WNT3A: variants seen among roughly 807,000 people sequenced by gnomAD.
The protein encoded by WNT3A is protein Wnt-3a.
Under a neutral mutation model 37.0 loss-of-function variants are expected in WNT3A, and 17 were observed. The observed-to-expected ratio is 0.46, with a 90% CI of 0.31 to 0.69. The LOEUF (loss-of-function observed/expected upper bound fraction) is 0.69. Among genes scored for constraint, WNT3A ranks in the 30% least tolerant of loss-of-function variants. WNT3A has a pLI of 0.05. For synonymous variants in WNT3A, 187 were observed against 211.0 expected, an observed-to-expected ratio of 0.89 and a Z score of 0.99; for missense variants, 411 against 510.2, an observed-to-expected ratio of 0.81 and a Z score of 1.87.
At chr1:228,041,043 A>ATCTATCTG (rs2031274138) in intron 2 of WNT3A, among the ~76,000 whole-genome samples, 2 of 137,784 alleles carry the variant, frequency 1.5e-5, no homozygotes, top group East Asian at 2.1e-4. Flanking sequence ...CTATCTATCT[A>ATCTATCTG]TCTATCATCT....
rs974318419 is a variant in WNT3A at position 228,007,066 on chromosome 1, G to GC, written c.-55dup. The GC allele has an allele frequency of 2.1e-3, 2,765 of 1,295,362 alleles. No individual in the cohort carries two copies. The highest frequency in any genetic ancestry group is 5.0e-3 in the East Asian group (145 of 28,930). The allele number at this position is 1,295,362 out of a possible 1,614,324, so 80.2% of individuals were successfully genotyped here. A position where few individuals can be genotyped will look rare whatever the true frequency, so the allele number is the denominator to read the frequency against. On this transcript the variant is annotated 5_prime_UTR_variant, in exon 1 of 4. Transcript: ENST00000284523. The surrounding 1 kb of genome is among the most constrained non-coding windows in gnomAD (Gnocchi z 6.0). ...CCGCCGCGCCAGCTCCCAGGGCCCG[G>GC]CCCCCCCCGGCGCTCACGCTCTCGG...
chr1:228,051,045 A>T, intron 3 of WNT3A, 124 bp downstream of exon 3: 1 of 1,253,544 alleles, frequency 8.0e-7, no homozygotes, highest in Admixed American at 3.0e-5. Flanking sequence ...GGTCTTCTCG[A>T]CCCCTGCCTG....
rs754980378 is a variant in WNT3A at position 228,022,925 on chromosome 1, G to T, written c.313+17G>T. On this transcript the variant is annotated intron_variant, in intron 2 of 3. Transcript: ENST00000284523. ...TGGACAAAGGTATGGGGGTGGTCTG[G>T]GGGAGGGCAGATGAGTCTGGAGTGG... 3 of 1,589,104 alleles carry T rather than the reference G, an allele frequency of 1.9e-6. No individual in the cohort carries two copies. The highest frequency in any genetic ancestry group is 8.6e-7 in the Non-Finnish European group (1 of 1,163,924).
chr1:228,030,344 C>A (rs182833094), intron 2 of WNT3A, among the ~76,000 whole-genome samples: 4 of 150,192 alleles, frequency 2.7e-5, no homozygotes, highest in African/African-American at 9.8e-5. Flanking sequence ...TTTAGTGAGC[C>A]GAGATCGCTT....
chr1:228,031,247 G>A lies in WNT3A; in HGVS notation c.313+8339G>A, dbSNP rs1351026058. 6.6e-6 allele frequency among the ~76,000 whole-genome samples: 1 copy of A among 152,240 alleles called. No homozygotes were observed. Among genetic ancestry groups the A allele is most frequent in the Non-Finnish European group, 1.5e-5 (1 of 68,036 alleles). On this transcript the variant is annotated intron_variant, in intron 2 of 3. Coordinates refer to ENST00000284523, the MANE Select transcript of WNT3A (RefSeq NM_033131.4). The surrounding 1 kb of genome is among the most constrained non-coding windows in gnomAD (Gnocchi z 4.8). ...GAAGGACAAGTCAGGGTCCCTGTAG[G>A]AGAAGAAACTGGAGCTTGGGGAGCT...
In WNT3A at chr1:228,037,290, C is replaced by G. The variant is rs2031167200; in HGVS notation, c.314-13366C>G. ...AACCCCAGGGTATCCCCACTCAAAGCACACGGCCAGATTCCTGGTTGGTGC... is the reference window on the plus strand; with the variant it reads ...AACCCCAGGGTATCCCCACTCAAAGGACACGGCCAGATTCCTGGTTGGTGC... On this transcript the variant is annotated intron_variant, in intron 2 of 3. Transcript: ENST00000284523. The surrounding 1 kb of genome is among the most constrained non-coding windows in gnomAD (Gnocchi z 4.1). 6.6e-6 allele frequency among the ~76,000 whole-genome samples: 1 copy of G among 152,146 alleles called. No homozygotes were observed. The highest frequency in any genetic ancestry group is 2.4e-5 in the African/African-American group (1 of 41,426).
rs2031208664 is a variant in WNT3A, at chr1:228,038,929, G to A, written c.314-11727G>A. Among the ~76,000 whole-genome samples the A allele has an allele frequency of 6.6e-6, 1 of 152,134 alleles. No individual in the cohort carries two copies. The highest frequency in any genetic ancestry group is 6.5e-5 in the Admixed American group (1 of 15,278). ...AGTAGGGTGCACTTGGGGGACAGAG[G>A]GCATTTTTTTGTCACAGTGGAGGTG... On this transcript the variant is annotated intron_variant, in intron 2 of 3. Transcript: ENST00000284523. The surrounding 1 kb of genome is among the most constrained non-coding windows in gnomAD (Gnocchi z 5.7).
chr1:228,049,770 G>A (rs1279589180), intron 2 of WNT3A, among the ~76,000 whole-genome samples: 1 of 152,108 alleles, frequency 6.6e-6, no homozygotes, highest in Non-Finnish European at 1.5e-5. Flanking sequence ...CATCTTTCCA[G>A]GTGCATGCTG....
rs1158109125 is a variant in WNT3A at position 228,007,495 on chromosome 1, G to A, written c.71+296G>A. On this transcript the variant is annotated intron_variant, in intron 1 of 3. Transcript: ENST00000284523. This position sits in a 1 kb window ranked among gnomAD's most constrained non-coding sequence, Gnocchi z 6.0. The stretch of plus-strand genomic sequence containing the variant: ...AGGGCGAGCAGTGGGCTGGGGAGAG[G>A]CTGAAAGAAGGTCGGCACGCACGGT... Among the ~76,000 whole-genome samples the A allele has an allele frequency of 6.6e-6, 1 of 152,168 alleles. No homozygotes were observed. Among genetic ancestry groups the A allele is most frequent in the Non-Finnish European group, 1.5e-5 (1 of 68,024 alleles).
rs904844564 is a variant in WNT3A at position 228,039,917 on chromosome 1, T to G, written c.314-10739T>G. Among the ~76,000 whole-genome samples, 3 of 152,194 alleles carry G rather than the reference T, an allele frequency of 2.0e-5. No individual in the cohort carries two copies. Among genetic ancestry groups the G allele is most frequent in the African/African-American group, 7.2e-5 (3 of 41,450 alleles). ...GACCCAGAACTTTCCCTCCTTCAAG[T>G]TGTTTGTCCCTCAGAAAAGCCACTC... On this transcript the variant is annotated intron_variant, in intron 2 of 3. Transcript: ENST00000284523. This position sits in a 1 kb window ranked among gnomAD's most constrained non-coding sequence, Gnocchi z 4.1.
At chr1:228,017,909 T>C (rs959724257) in intron 1 of WNT3A, among the ~76,000 whole-genome samples, 3 of 152,026 alleles carry the variant, frequency 2.0e-5, no homozygotes, top group Non-Finnish European at 4.4e-5. Flanking sequence ...AGCAGGAAAG[T>C]GAGAGGGAGT....
rs1347630491 is a variant in WNT3A at position 228,042,234 on chromosome 1, C to A, written c.314-8422C>A. On this transcript the variant is annotated intron_variant, in intron 2 of 3. Transcript: ENST00000284523. This position sits in a 1 kb window ranked among gnomAD's most constrained non-coding sequence, Gnocchi z 5.2. The stretch of plus-strand genomic sequence containing the variant: ...CCTCGTCATCTGCCCACCTCAGCCT[C>A]CCAAAGTGCTGGGATTACAGCTGTG... 6.6e-6 allele frequency among the ~76,000 whole-genome samples: 1 copy of A among 152,200 alleles called. No homozygotes were observed. Among genetic ancestry groups the A allele is most frequent in the East Asian group, 1.9e-4 (1 of 5,200 alleles).
intron 1 of WNT3A, among the ~76,000 whole-genome samples, chr1:228,019,066 C>T (rs1431989726): frequency 1.3e-5 from 2 of 152,238 alleles, no homozygotes; most frequent in African/African-American, 4.8e-5. Context: ...TGGCCACCTG[C>T]ACCCTGGCCA....
chr1:228,027,297 T>G (rs1051464078), intron 2 of WNT3A, among the ~76,000 whole-genome samples: 3 of 152,238 alleles, frequency 2.0e-5, no homozygotes, highest in Admixed American at 1.3e-4. Flanking sequence ...TACCCAGTAG[T>G]GGGATTGCTA....
In WNT3A at chr1:228,059,165, G is replaced by C; in HGVS notation, c.759G>C (p.Val253=). The change falls in exon 4 of 4, where the codon GTG becomes GTC. Residue 253 remains valine (V), a synonymous_variant. Coordinates refer to ENST00000284523, the MANE Select transcript of WNT3A (RefSeq NM_033131.4). ...AGCACCGGGAGTCCCGCGGCTGGGT[G>C]GAGACCCTGCGGCCGCGCTACACCT... is the stretch of plus-strand genomic sequence containing the variant. ...VEKHRESRGW[V]ETLRPRYTYF... 6.2e-7 allele frequency: 1 copy of C among 1,613,392 alleles called. No individual in the cohort carries two copies. The highest frequency in any genetic ancestry group is 1.7e-5 in the Admixed American group (1 of 60,024).
chr1:228,017,403 G>A (rs1212062897), intron 1 of WNT3A, among the ~76,000 whole-genome samples: 1 of 152,182 alleles, frequency 6.6e-6, no homozygotes, highest in Non-Finnish European at 1.5e-5. Flanking sequence ...GAGGGAAGAG[G>A]AGGGACTAGC....
chr1:228,033,729 T>C (rs1384104865), intron 2 of WNT3A, among the ~76,000 whole-genome samples: 1 of 152,232 alleles, frequency 6.6e-6, no homozygotes, highest in African/African-American at 2.4e-5. Context: ...TTGTGTTGAA[T>C]GTGTAGATCG....
At position 228,008,805 on chromosome 1, in the gene WNT3A, C is replaced by T. The variant is rs1229979703; in HGVS notation, c.71+1606C>T. ...ATAAATGTCGCCAGCCTCCTGGCAA[C>T]CCCGCGCCCTAGGATCTTTGTCTTG... On this transcript the variant is annotated intron_variant, in intron 1 of 3. Transcript: ENST00000284523. This position sits in a 1 kb window ranked among gnomAD's most constrained non-coding sequence, Gnocchi z 4.9. Among the ~76,000 whole-genome samples the T allele has an allele frequency of 6.6e-6, 1 of 152,202 alleles. No individual in the cohort carries two copies. The highest frequency in any genetic ancestry group is 1.5e-5 in the Non-Finnish European group (1 of 68,014).
rs1038141252 is a variant in WNT3A at position 228,038,353 on chromosome 1, C to A, written c.314-12303C>A. Among the ~76,000 whole-genome samples the A allele has an allele frequency of 3.9e-5, 6 of 152,212 alleles. No homozygotes were observed. Among genetic ancestry groups the A allele is most frequent in the South Asian group, 2.1e-4 (1 of 4,830 alleles). On this transcript the variant is annotated intron_variant, in intron 2 of 3. Transcript: ENST00000284523. This position sits in a 1 kb window ranked among gnomAD's most constrained non-coding sequence, Gnocchi z 5.7. ...CCCCACAGCAAAGGGTCTTCTCCTT[C>A]CCCTGTGTTCAGGCCTCAGTGGGGG...
Sources: gnomAD v4.1 joint callset for allele counts (sites outside exome capture counted in the v4.1 genomes callset) on GRCh38, gnomAD v4.1.1 for gene constraint, Gnocchi (gnomAD v3.1) non-coding constraint, MANE v1.5 for transcripts, NCBI Gene and HGNC (gene_info 2026-07-23, HGNC 2026-07-21) for gene names.